ZNF277: variants seen among roughly 807,000 people sequenced by gnomAD.
ZNF277 encodes zinc finger protein 277.
ZNF277 carries 55 observed loss-of-function variants against 60.7 expected under a neutral mutation model. The observed-to-expected ratio is 0.91, with a 90% confidence interval of 0.73 to 1.13. The LOEUF (loss-of-function observed/expected upper bound fraction) is 1.13, where lower values mean the gene tolerates loss of function less well. Among genes scored for constraint, ZNF277 ranks in the 50% most tolerant of loss-of-function variants. ZNF277 has a pLI of 0.00. For synonymous variants in ZNF277, 178 were observed against 179.3 expected (o/e 0.99, Z 0.06); for missense variants, 510 against 523.0 (o/e 0.98, Z 0.24).
At chr7:112,239,013 A>C (rs1790875533) in intron 1 of ZNF277, among the ~76,000 whole-genome samples, 1 of 152,138 alleles carries the variant, frequency 6.6e-6, no homozygotes, top group Non-Finnish European at 1.5e-5. Context: ...TAATGACTAA[A>C]GAACCCTGGA....
chr7:112,227,645 T>C (rs1822210197), intron 1 of ZNF277, among the ~76,000 whole-genome samples: 2 of 152,210 alleles, frequency 1.3e-5, no homozygotes, highest in African/African-American at 4.8e-5. Context: ...CTAAACTTAA[T>C]TTAACAGTTA....
At position 112,335,169 on chromosome 7, in the gene ZNF277, G is replaced by A. The variant is rs976173386; in HGVS notation, c.802-935G>A. Among the ~76,000 whole-genome samples the A allele has an allele frequency of 2.0e-5, 3 of 152,082 alleles. 1 individual carries two copies. Among genetic ancestry groups the A allele is most frequent in the Admixed American group, 6.6e-5 (1 of 15,266 alleles). Reference sequence around the variant, plus strand: ...AGAGTCCATAATTGAGTGAATTTTGGTTTTGTTTTTCCAAAAGGATATTGA... The same window carrying A: ...AGAGTCCATAATTGAGTGAATTTTGATTTTGTTTTTCCAAAAGGATATTGA... On this transcript the variant is annotated intron_variant, in intron 7 of 11. Coordinates refer to ENST00000361822, the MANE Select transcript of ZNF277 (RefSeq NM_021994.3).
intron 1 of ZNF277, among the ~76,000 whole-genome samples, chr7:112,218,846 TTTTC>T (rs1821953756): frequency 6.6e-6 from 1 of 152,238 alleles, no homozygotes; most frequent in African/African-American, 2.4e-5. Flanking sequence ...ATGCACCACA[TTTTC>T]TTTATCTGTT....
intron 1 of ZNF277, among the ~76,000 whole-genome samples, chr7:112,211,650 G>A (rs1821752332): frequency 6.6e-6 from 1 of 152,174 alleles, no homozygotes; most frequent in Non-Finnish European, 1.5e-5. Context: ...ATCTCCACTT[G>A]AAATCTTCAG....
At chr7:112,324,149 G>T (rs548581771) in intron 5 of ZNF277, among the ~76,000 whole-genome samples, 1 of 152,082 alleles carries the variant, frequency 6.6e-6, no homozygotes, top group Non-Finnish European at 1.5e-5. Context: ...TTAAAATATT[G>T]TAAGTCAAAA....
At chr7:112,225,348 C>G (rs1000803533) in intron 1 of ZNF277, among the ~76,000 whole-genome samples, 2 of 152,156 alleles carry the variant, frequency 1.3e-5, no homozygotes, top group African/African-American at 4.8e-5. Context: ...GCTCATTAAT[C>G]CTGAATAATC....
At chr7:112,310,065 T>A (rs771244170) in intron 4 of ZNF277, among the ~76,000 whole-genome samples, 1 of 152,108 alleles carries the variant, frequency 6.6e-6, no homozygotes, top group East Asian at 1.9e-4. Context: ...AGAGTTTTTA[T>A]TGTGGCTTCA....
At chr7:112,309,225 G>T (rs1792668062) in intron 4 of ZNF277, among the ~76,000 whole-genome samples, 1 of 151,858 alleles carries the variant, frequency 6.6e-6, no homozygotes, top group Non-Finnish European at 1.5e-5. Context: ...TCCTCCTGAT[G>T]ATCTCCTGAA....
chr7:112,244,160 A>T (rs1269375539), intron 1 of ZNF277, among the ~76,000 whole-genome samples: 1 of 152,124 alleles, frequency 6.6e-6, no homozygotes, highest in African/African-American at 2.4e-5. Flanking sequence ...GGTGAGTGGG[A>T]TGAGGAACTA....
chr7:112,339,171 CA>C (rs1373621187), intron 9 of ZNF277, among the ~76,000 whole-genome samples: 2 of 152,178 alleles, frequency 1.3e-5, no homozygotes, highest in Non-Finnish European at 2.9e-5. Flanking sequence ...AATTCTAGTC[CA>C]AATGCACAGT....
intron 1 of ZNF277, among the ~76,000 whole-genome samples, chr7:112,269,526 A>G (rs922058622): frequency 6.6e-6 from 1 of 152,162 alleles, no homozygotes; most frequent in South Asian, 2.1e-4. Context: ...CATTGTTAAC[A>G]TGGTTGTTAA....
At chr7:112,298,550 G>C (rs1011191401) in intron 4 of ZNF277, among the ~76,000 whole-genome samples, 1 of 152,174 alleles carries the variant, frequency 6.6e-6, no homozygotes, top group Non-Finnish European at 1.5e-5. Context: ...TGACTTTGTA[G>C]TAATAAAGAC....
chr7:112,340,777 A>C (rs1006652033), intron 10 of ZNF277, 95 bp from the exon 11 acceptor site: 31 of 1,035,478 alleles, frequency 3.0e-5, no homozygotes, highest in Non-Finnish European at 4.5e-5. Flanking sequence ...CTTCAGGTTG[A>C]TTAATAAAAA....
intron 1 of ZNF277, among the ~76,000 whole-genome samples, chr7:112,212,966 A>G (rs533418039): frequency 7.2e-5 from 11 of 152,286 alleles, no homozygotes; most frequent in African/African-American, 2.4e-4. Flanking sequence ...GTGGGATGTC[A>G]GAGAAGATAA....
At chr7:112,289,555 T>C (rs1792157135) in intron 2 of ZNF277, among the ~76,000 whole-genome samples, 1 of 152,228 alleles carries the variant, frequency 6.6e-6, no homozygotes, top group African/African-American at 2.4e-5. Context: ...TGTGTGTATG[T>C]CTTTATTCTC....
At chr7:112,274,985 T>G (rs148856765) in intron 1 of ZNF277, among the ~76,000 whole-genome samples, 1 of 152,288 alleles carries the variant, frequency 6.6e-6, no homozygotes, top group East Asian at 1.9e-4. Flanking sequence ...CAAAAAGCCT[T>G]TTGTTTGTCA....
At chr7:112,298,771 G>A (rs1475677440) in intron 4 of ZNF277, among the ~76,000 whole-genome samples, 3 of 152,142 alleles carry the variant, frequency 2.0e-5, no homozygotes, top group Admixed American at 1.3e-4. Context: ...ATTAAATGCC[G>A]TTCTATTTAT....
chr7:112,228,265 C>T (rs563874212), intron 1 of ZNF277, among the ~76,000 whole-genome samples: 1 of 152,208 alleles, frequency 6.6e-6, no homozygotes, highest in South Asian at 2.1e-4. Flanking sequence ...ACTTTAGTTA[C>T]ATCTGCAAAG....
At chr7:112,270,404 G>A (rs1354640824) in intron 1 of ZNF277, among the ~76,000 whole-genome samples, 1 of 152,032 alleles carries the variant, frequency 6.6e-6, no homozygotes, top group Non-Finnish European at 1.5e-5. Context: ...TATAAGGAAG[G>A]ACTTAGAATT....
Sources: allele counts gnomAD v4.1 joint callset (sites outside exome capture counted in the v4.1 genomes callset), GRCh38; gene constraint gnomAD v4.1.1; transcripts MANE v1.5; gene names NCBI Gene and HGNC (gene_info 2026-07-23, HGNC 2026-07-21).